SYTL4: variants seen among roughly 807,000 people sequenced by gnomAD.
SYTL4 encodes synaptotagmin-like protein 4.
Under a neutral mutation model 52.7 loss-of-function variants are expected in SYTL4, and 16 were observed. The ratio of observed to expected loss-of-function variants is 0.30; its 90% CI spans 0.21 to 0.46. SYTL4 has a LOEUF of 0.46. SYTL4 is among the 20% of genes least tolerant of loss of function. The probability of loss-of-function intolerance (pLI) is 1.00; values close to 1 mark genes in which losing one functional copy is unlikely to be tolerated. For missense variants in SYTL4, 423 were observed against 519.9 expected, an observed-to-expected ratio of 0.81 and a Z score of 1.81; for synonymous variants, 160 against 186.6, an observed-to-expected ratio of 0.86 and a Z score of 1.16.
At chrX:100,700,352 T>A (rs921112965) in intron 8 of SYTL4, among the ~76,000 whole-genome samples, 3 of 112,143 alleles carry the variant, frequency 2.7e-5, no homozygotes, top group Non-Finnish European at 5.6e-5. Context: ...TCTTTTACTT[T>A]AAAAAAACAT....
At chrX:100,703,914 AT>A (rs1414357467) in intron 3 of SYTL4, among the ~76,000 whole-genome samples, 1 of 112,370 alleles carries the variant, frequency 8.9e-6, no homozygotes, top group Non-Finnish European at 1.9e-5. Flanking sequence ...AGCCACTATC[AT>A]TGGTTTCCCT....
chrX:100,693,906 A>G (rs1390014323), intron 8 of SYTL4, among the ~76,000 whole-genome samples: 1 of 112,611 alleles, frequency 8.9e-6, no homozygotes, highest in East Asian at 2.8e-4. Context: ...CTTTGAAATC[A>G]TTATGCTAAT....
chrX:100,679,914 T>C (rs1051313018), intron 17 of SYTL4, among the ~76,000 whole-genome samples: 11 of 111,909 alleles, frequency 9.8e-5, no homozygotes, highest in African/African-American at 3.3e-4. Context: ...TCTAAATATA[T>C]ACTAATCTCA....
chrX:100,722,021 C>T (rs1366211055), intron 2 of SYTL4, among the ~76,000 whole-genome samples: 2 of 110,309 alleles, frequency 1.8e-5, no homozygotes, highest in Non-Finnish European at 3.8e-5. Flanking sequence ...AGACTGGTCT[C>T]GAGCTCCTAA....
chrX:100,707,861 T>C (rs1038946743), intron 2 of SYTL4, among the ~76,000 whole-genome samples: 12 of 111,810 alleles, frequency 1.1e-4, no homozygotes, highest in Non-Finnish European at 2.1e-4. Context: ...GTGTTAGTCC[T>C]GAGGTGTCAA....
chrX:100,713,188 C>A (rs1046109212), intron 2 of SYTL4, among the ~76,000 whole-genome samples: 3 of 112,415 alleles, frequency 2.7e-5, no homozygotes, highest in African/African-American at 9.7e-5. Flanking sequence ...CTCACACCCA[C>A]AATCCCAGCA....
At chrX:100,685,865 C>T in intron 16 of SYTL4, 125 bp downstream of exon 16, 1 of 663,114 alleles carries the variant, frequency 1.5e-6, no homozygotes, top group South Asian at 4.7e-5. Flanking sequence ...TCAGAAACAC[C>T]AGCAGGGGGC....
intron 12 of SYTL4, among the ~76,000 whole-genome samples, chrX:100,689,115 G>A (rs1010205385): frequency 9.5e-6 from 1 of 105,486 alleles, no homozygotes; most frequent in African/African-American, 3.6e-5. Flanking sequence ...GCTCATGCCT[G>A]TAATTCCAGC....
intron 18 of SYTL4, chrX:100,678,900 T>A: frequency 3.3e-6 from 1 of 306,448 alleles, no homozygotes; most frequent in East Asian, 5.5e-5. Context: ...ACAATTTATC[T>A]CTTTAAATAA....
chrX:100,678,596 G>A lies in SYTL4; in HGVS notation c.1662C>T (p.Tyr554=). Residue 554 remains tyrosine (Y), a synonymous_variant, in exon 19 of 20, where the codon TAC becomes TAT. Coordinates refer to ENST00000372989, the MANE Select transcript of SYTL4 (RefSeq NM_001370165.1). ...TGGCCTTGTTCCTCATGGGAAGGAG[G>A]TATCTGGCAGAGGGCGGGGAGTAAT... ...GGTSDSFVKG[Y]LLPMRNKASK... 8.3e-7 allele frequency: 1 copy of A among 1,207,371 alleles called. No individual in the cohort carries two copies. Among genetic ancestry groups the A allele is most frequent in the Non-Finnish European group, 1.1e-6 (1 of 891,724 alleles).
chrX:100,705,760 G>C (rs1320651834), intron 2 of SYTL4, among the ~76,000 whole-genome samples: 11 of 111,775 alleles, frequency 9.8e-5, no homozygotes, highest in Non-Finnish European at 1.9e-4. Context: ...AGGAAATAAA[G>C]ATAGTATCTT....
At chrX:100,728,605 G>A (rs1310972320) in intron 2 of SYTL4, among the ~76,000 whole-genome samples, 3 of 111,849 alleles carry the variant, frequency 2.7e-5, no homozygotes, top group African/African-American at 9.8e-5. Flanking sequence ...CTTGCGAGAA[G>A]CCTGAAAAGC....
At chrX:100,694,657 G>A (rs1244245241) in intron 8 of SYTL4, among the ~76,000 whole-genome samples, 2 of 111,157 alleles carry the variant, frequency 1.8e-5, no homozygotes, top group South Asian at 3.8e-4. Flanking sequence ...CTCCCACCCC[G>A]GAAATCTAAG....
At chrX:100,724,194 G>A (rs1403612724) in intron 2 of SYTL4, among the ~76,000 whole-genome samples, 2 of 100,880 alleles carry the variant, frequency 2.0e-5, no homozygotes, top group African/African-American at 3.6e-5. Flanking sequence ...GAGGGAGGTG[G>A]GGGGGTCATC....
intron 2 of SYTL4, among the ~76,000 whole-genome samples, chrX:100,724,746 G>A: frequency 9.3e-6 from 1 of 107,207 alleles, no homozygotes; most frequent in Non-Finnish European, 1.9e-5. Flanking sequence ...AAGGCCGCAG[G>A]GTCCTCTGGC....
intron 6 of SYTL4, 29 bp from the exon 7 acceptor site, chrX:100,701,358 T>C (rs778060167): frequency 2.5e-6 from 3 of 1,180,713 alleles, no homozygotes; most frequent in Non-Finnish European, 3.5e-6. Context: ...AAATGACAGA[T>C]GGATAAAGAA....
intron 16 of SYTL4, among the ~76,000 whole-genome samples, chrX:100,681,802 G>T: frequency 8.9e-6 from 1 of 112,232 alleles, no homozygotes; most frequent in Non-Finnish European, 1.9e-5. Context: ...CATCAAAAAA[G>T]AATTCAGTGA....
intron 16 of SYTL4, 38 bp downstream of exon 16, chrX:100,685,952 C>T (rs2083465830): frequency 2.6e-6 from 3 of 1,154,525 alleles, no homozygotes; most frequent in Non-Finnish European, 3.5e-6. Context: ...ACAATTCTAC[C>T]TCAGATCCAA....
At chrX:100,709,040 C>T (rs753777041) in intron 2 of SYTL4, among the ~76,000 whole-genome samples, 54 of 112,341 alleles carry the variant, frequency 4.8e-4, no homozygotes, top group African/African-American at 1.6e-3. Flanking sequence ...GTGTGTGACA[C>T]ACAGTATGAG....
Sources: gnomAD v4.1 joint callset for allele counts (sites outside exome capture counted in the v4.1 genomes callset) on GRCh38, gnomAD v4.1.1 for gene constraint, MANE v1.5 for transcripts, NCBI Gene and HGNC (gene_info 2026-07-23, HGNC 2026-07-21) for gene names.